The following PPP1R9A variants were observed in gnomAD, a reference collection of about 807,000 sequenced individuals.
The protein encoded by PPP1R9A is neurabin-1.
In PPP1R9A, 59 loss-of-function variants were observed where a neutral mutation model predicts 141.9. The observed-to-expected ratio is 0.42, with a 90% CI of 0.34 to 0.52. The LOEUF is 0.52. Among genes scored for constraint, PPP1R9A ranks in the 20% least tolerant of loss-of-function variants. The pLI, the probability that PPP1R9A is intolerant of heterozygous loss-of-function variation, is 0.10. For missense variants in PPP1R9A, 1,444 were observed against 1,611.9 expected (o/e 0.90, Z 1.78); for synonymous variants, 500 against 569.7 (o/e 0.88, Z 1.74).
chr7:95,267,672 C>T (rs1206414394), intron 12 of PPP1R9A, among the ~76,000 whole-genome samples: 1 of 152,040 alleles, frequency 6.6e-6, no homozygotes, highest in African/African-American at 2.4e-5. Flanking sequence ...CTTTGTGTCC[C>T]ACTTTACTCT....
chr7:94,933,978 G>A (rs888697075), intron 2 of PPP1R9A, among the ~76,000 whole-genome samples: 3 of 152,144 alleles, frequency 2.0e-5, no homozygotes, highest in Non-Finnish European at 4.4e-5. Context: ...AAGTAAAGAC[G>A]TATGTTCTCA....
At chr7:95,242,238 A>G (rs1797558165) in intron 8 of PPP1R9A, among the ~76,000 whole-genome samples, 2 of 152,158 alleles carry the variant, frequency 1.3e-5, no homozygotes, top group Non-Finnish European at 2.9e-5. Context: ...GACATACATC[A>G]CTCAAATACT....
At chr7:95,014,183 G>A (rs1388955078) in intron 2 of PPP1R9A, among the ~76,000 whole-genome samples, 3 of 151,940 alleles carry the variant, frequency 2.0e-5, no homozygotes, top group Non-Finnish European at 2.9e-5. Context: ...AATTAGACCC[G>A]TTGGCCCAGT....
intron 2 of PPP1R9A, among the ~76,000 whole-genome samples, chr7:95,102,488 C>T (rs1182943639): frequency 6.6e-6 from 1 of 152,184 alleles, no homozygotes; most frequent in Admixed American, 6.5e-5. Context: ...CCTTCTTGCA[C>T]ATAAAAGCCT....
At chr7:95,265,049 T>C (rs923357510) in intron 12 of PPP1R9A, among the ~76,000 whole-genome samples, 1 of 152,172 alleles carries the variant, frequency 6.6e-6, no homozygotes, top group African/African-American at 2.4e-5. Context: ...CACACTGCCA[T>C]CCACAAAACT....
At chr7:95,227,599 A>G (rs1474637070) in intron 8 of PPP1R9A, among the ~76,000 whole-genome samples, 1 of 152,192 alleles carries the variant, frequency 6.6e-6, no homozygotes, top group Non-Finnish European at 1.5e-5. Flanking sequence ...TGTGGCTGAT[A>G]ACATACTACA....
intron 2 of PPP1R9A, among the ~76,000 whole-genome samples, chr7:95,012,749 A>G (rs854737): frequency 0.6 from 91,503 of 151,970 alleles, 28,509 homozygotes; most frequent in African/African-American, 0.74. Flanking sequence ...ACCTTCTTAT[A>G]AAAGGCAGGA....
intron 2 of PPP1R9A, chr7:95,098,516 C>T (rs1447155776): frequency 6.6e-6 from 1 of 151,768 alleles, no homozygotes; most frequent in Non-Finnish European, 1.5e-5. Context: ...TCCTTTTTTC[C>T]TCTGCACTAA....
At chr7:95,213,730 T>G (rs766301245) in intron 7 of PPP1R9A, among the ~76,000 whole-genome samples, 9 of 152,176 alleles carry the variant, frequency 5.9e-5, no homozygotes, top group Non-Finnish European at 1.2e-4. Flanking sequence ...TTTTAAGACT[T>G]TGAAAACCAT....
intron 12 of PPP1R9A, among the ~76,000 whole-genome samples, chr7:95,262,597 C>T (rs1196215527): frequency 2.0e-5 from 3 of 152,092 alleles, no homozygotes; most frequent in Non-Finnish European, 4.4e-5. Context: ...ATATGGATAA[C>T]AGAATTTAAG....
intron 7 of PPP1R9A, among the ~76,000 whole-genome samples, chr7:95,209,366 C>T (rs1248429871): frequency 6.6e-6 from 1 of 152,128 alleles, no homozygotes; most frequent in Non-Finnish European, 1.5e-5. Context: ...ATTTACCCAC[C>T]CAGCCTCAGA....
At chr7:94,941,290 C>CT (rs1795311214) in intron 2 of PPP1R9A, among the ~76,000 whole-genome samples, 1 of 151,978 alleles carries the variant, frequency 6.6e-6, no homozygotes, top group Admixed American at 6.6e-5. Flanking sequence ...TCAAGGGGTG[C>CT]TGTGATGAGA....
chr7:95,192,156 T>C (rs1376867231), intron 5 of PPP1R9A, among the ~76,000 whole-genome samples: 2 of 152,020 alleles, frequency 1.3e-5, no homozygotes, highest in Admixed American at 6.6e-5. Context: ...AAAAATCAAC[T>C]CTATTTTCAA....
intron 4 of PPP1R9A, among the ~76,000 whole-genome samples, chr7:95,143,663 A>C (rs1267246494): frequency 6.6e-6 from 1 of 152,194 alleles, no homozygotes; most frequent in East Asian, 1.9e-4. Flanking sequence ...GCAGAGGCCC[A>C]TGTGAGAAAG....
chr7:95,154,203 G>T (rs1367558262), intron 4 of PPP1R9A, among the ~76,000 whole-genome samples: 2 of 151,378 alleles, frequency 1.3e-5, no homozygotes, highest in African/African-American at 2.4e-5. Flanking sequence ...ATAGGTTTTG[G>T]TAAGTTGTGT....
chr7:95,282,394 A>T (rs957280391), intron 16 of PPP1R9A, among the ~76,000 whole-genome samples: 10 of 152,072 alleles, frequency 6.6e-5, no homozygotes, highest in Non-Finnish European at 1.0e-4. Flanking sequence ...AGAGAGATTG[A>T]CCTCTGCAGA....
chr7:95,172,106 G>T (rs1832204479), intron 5 of PPP1R9A, among the ~76,000 whole-genome samples: 1 of 151,600 alleles, frequency 6.6e-6, no homozygotes, highest in African/African-American at 2.4e-5. Flanking sequence ...TTTCCTCAAT[G>T]AGATAAATAG....
At chr7:94,998,716 C>T (rs534789803) in intron 2 of PPP1R9A, among the ~76,000 whole-genome samples, 1 of 152,220 alleles carries the variant, frequency 6.6e-6, no homozygotes, top group African/African-American at 2.4e-5. Flanking sequence ...AAGATTTCTG[C>T]TTATCCGTTT....
In PPP1R9A at chr7:95,176,913, A is replaced by T. The variant is rs181139952; in HGVS notation, c.1754+14942A>T. ...AGAATAATCAGCGTTCCTGAGGAAG[A>T]AGACAAATCTAAACGTTTGGACAAC... On this transcript the variant is annotated intron_variant, in intron 5 of 19. Transcript: ENST00000433360. 3.9e-4 allele frequency among the ~76,000 whole-genome samples: 60 copies of T among 152,316 alleles called. 1 individual carries two copies. The East Asian group carries it at 0.011, about 27-fold the overall frequency.
Sources: gnomAD v4.1 joint callset for allele counts (sites outside exome capture counted in the v4.1 genomes callset) on GRCh38, gnomAD v4.1.1 for gene constraint, MANE v1.5 for transcripts, NCBI Gene and HGNC (gene_info 2026-07-23, HGNC 2026-07-21) for gene names.